Variants in SP8 observed in about 807,000 individuals in gnomAD.
SP8 encodes the protein transcription factor Sp8.
Under a neutral mutation model 15.3 loss-of-function variants are expected in SP8, and 7 were observed. The observed-to-expected ratio is 0.46, with a 90% CI of 0.26 to 0.86. The LOEUF is 0.86. Among genes scored for constraint, SP8 ranks in the 40% least tolerant of loss-of-function variants. SP8 has a pLI of 0.16. For missense variants in SP8, 731 were observed against 736.4 expected (o/e 0.99, Z 0.09); for synonymous variants, 415 against 356.3 (o/e 1.16, Z -1.86).
Position 20,786,692 on chromosome 7 carries a change from T to A in SP8, c.21+86A>T. Reference sequence around the variant, plus strand: ...TCTCAATAGAGAGACTGATAGCCCGTGGCCTGGCCGGGGCGACTTTAACCC... The same window carrying A: ...TCTCAATAGAGAGACTGATAGCCCGAGGCCTGGCCGGGGCGACTTTAACCC... On this transcript the variant is annotated intron_variant, in intron 1 of 1. Transcript: ENST00000418710. The surrounding 1 kb of genome is among the most constrained non-coding windows in gnomAD (Gnocchi z 4.4). 1 of 1,111,472 alleles carries A rather than the reference T, an allele frequency of 9.0e-7. No homozygotes were observed. 68.9% of individuals were successfully genotyped at this position (1,111,472 alleles called of 1,614,324 possible). A position where few individuals can be genotyped will look rare whatever the true frequency, so the allele number is the denominator to read the frequency against.
At position 20,784,995 on chromosome 7, in the gene SP8, C is replaced by CGAG. The variant is rs1783617371; in HGVS notation, c.819_821dup (p.Ser274dup). The CGAG allele has an allele frequency of 1.3e-6, 2 of 1,572,474 alleles. No homozygotes were observed. The highest frequency in any genetic ancestry group is 2.3e-5 in the South Asian group (2 of 87,516). ...TGCTGAAGGCCGAGTGACTCAGGCC[C>CGAG]GAGTAATCCGAGTTGTAGCCTCCGA... On this transcript the variant is annotated inframe_insertion, in exon 2 of 2. Coordinates refer to ENST00000418710, the MANE Select transcript of SP8 (RefSeq NM_182700.6).
At position 20,784,758 on chromosome 7, in the gene SP8, G is replaced by T; in HGVS notation, c.1059C>A (p.Pro353=). The change falls in exon 2 of 2, where the codon CCC becomes CCA. Residue 353 remains proline (P), a synonymous_variant. Coordinates refer to ENST00000418710, the MANE Select transcript of SP8 (RefSeq NM_182700.6). The part of the protein sequence containing the change: ...RYSGRATCDC[P]NCQEAERLGP... ...CCAGCCGCTCTGCCTCCTGGCAGTT[G>T]GGGCAGTCGCAGGTGGCGCGGCCGG... The T allele has an allele frequency of 6.3e-7, 1 of 1,575,922 alleles. No homozygotes were observed. Among genetic ancestry groups the T allele is most frequent in the African/African-American group, 1.4e-5 (1 of 72,978 alleles).
Position 20,785,884 on chromosome 7 carries a change from CG to C in SP8, c.22-90del. The C allele has an allele frequency of 6.7e-7, 1 of 1,484,884 alleles. No individual in the cohort carries two copies. Among genetic ancestry groups the C allele is most frequent in the Non-Finnish European group, 9.1e-7 (1 of 1,100,332 alleles). 92.0% of individuals were successfully genotyped at this position (1,484,884 alleles called of 1,614,324 possible). A position where few individuals can be genotyped will look rare whatever the true frequency, so the allele number is the denominator to read the frequency against. On this transcript the variant is annotated intron_variant, in intron 1 of 1. Coordinates refer to ENST00000418710, the MANE Select transcript of SP8 (RefSeq NM_182700.6). The surrounding 1 kb of genome is among the most constrained non-coding windows in gnomAD (Gnocchi z 7.2). ...AAGGAAGAAATGTGCATCAGTCCTT[CG>C]GTAGCCTCCAAAGCGCCCCACTGCA...
Position 20,783,023 on chromosome 7 carries a change from G to C in SP8, c.*1267C>G, listed in dbSNP as rs1399025055. The C allele has an allele frequency of 6.6e-6, 1 of 152,344 alleles. No homozygotes were observed. Among genetic ancestry groups the C allele is most frequent in the Admixed American group, 6.5e-5 (1 of 15,284 alleles). 9.4% of individuals were successfully genotyped at this position (152,344 alleles called of 1,614,324 possible). A position where few individuals can be genotyped will look rare whatever the true frequency, so the allele number is the denominator to read the frequency against. On this transcript the variant is annotated 3_prime_UTR_variant, in exon 2 of 2. Coordinates refer to ENST00000418710, the MANE Select transcript of SP8 (RefSeq NM_182700.6). ...ATTCTCCAGTTGTACAAACCATTAGGTTCAGATATATTTTACAAAGGTTCT... is the reference window on the plus strand; with the variant it reads ...ATTCTCCAGTTGTACAAACCATTAGCTTCAGATATATTTTACAAAGGTTCT...
chr7:20,785,891 C>T lies in SP8; in HGVS notation c.22-96G>A, dbSNP rs1230094102. The T allele has an allele frequency of 6.7e-7, 1 of 1,481,644 alleles. No homozygotes were observed. The highest frequency in any genetic ancestry group is 9.1e-7 in the Non-Finnish European group (1 of 1,101,406). 91.8% of individuals were successfully genotyped at this position (1,481,644 alleles called of 1,614,324 possible). A position where few individuals can be genotyped will look rare whatever the true frequency, so the allele number is the denominator to read the frequency against. On this transcript the variant is annotated intron_variant, in intron 1 of 1. Transcript: ENST00000418710. This position sits in a 1 kb window ranked among gnomAD's most constrained non-coding sequence, Gnocchi z 7.2. ...AAATGTGCATCAGTCCTTCGGTAGC[C>T]TCCAAAGCGCCCCACTGCACCCCAT...
chr7:20,784,964 C>T lies in SP8; in HGVS notation c.853G>A (p.Ala285Thr). ...GLSHSAFSSGASSHLLSPAGQ... is the reference protein window; with the variant it reads ...GLSHSAFSSGTSSHLLSPAGQ... Reference sequence around the variant, plus strand: ...GCGGGGCTGAGCAGGTGCGAGGAGGCGCCGCTGCTGAAGGCCGAGTGACTC... The same window carrying T: ...GCGGGGCTGAGCAGGTGCGAGGAGGTGCCGCTGCTGAAGGCCGAGTGACTC... Residue 285 changes from alanine to threonine, a missense_variant, in exon 2 of 2, where the codon GCC (alanine) becomes ACC (threonine). Physicochemically the swap from Ala to Thr is moderately conservative, Grantham distance 58. Transcript: ENST00000418710. 2 of 1,562,470 alleles carry T rather than the reference C, an allele frequency of 1.3e-6. No individual in the cohort carries two copies. The highest frequency in any genetic ancestry group is 1.7e-6 in the Non-Finnish European group (2 of 1,161,186).
At position 20,785,656 on chromosome 7, in the gene SP8, G is replaced by A. The variant is rs767861886; in HGVS notation, c.161C>T (p.Ser54Phe). 6.2e-7 allele frequency: 1 copy of A among 1,613,924 alleles called. No individual in the cohort carries two copies. The highest frequency in any genetic ancestry group is 1.1e-5 in the South Asian group (1 of 91,066). ...FGKGFHPWKR[S>F]SSSSSASCNV... is the part of the protein sequence containing the mutation. The stretch of plus-strand genomic sequence containing the variant: ...GCAGCTGGCGGAAGAAGAGGACGAG[G>A]AGCGTTTCCAGGGGTGGAAGCCTTT... The change falls in exon 2 of 2, where the codon TCC (serine) becomes TTC (phenylalanine). Residue 54 changes from serine to phenylalanine, a missense_variant. Ser to Phe is a radical substitution (Grantham distance 155, BLOSUM62 -2). Transcript: ENST00000418710. The surrounding 1 kb of genome is among the most constrained non-coding windows in gnomAD (Gnocchi z 7.2).
In SP8 at chr7:20,785,229, C is replaced by T; in HGVS notation, c.588G>A (p.Arg196=). The T allele has an allele frequency of 6.3e-7, 1 of 1,598,726 alleles. No homozygotes were observed. Among genetic ancestry groups the T allele is most frequent in the East Asian group, 2.3e-5 (1 of 43,508 alleles). Residue 196 remains arginine (R), a synonymous_variant, in exon 2 of 2, where the codon CGG becomes CGA. Transcript: ENST00000418710. The surrounding 1 kb of genome is among the most constrained non-coding windows in gnomAD (Gnocchi z 7.2). ...ACTCGTACGGGTGCGCCATGCCCACCCGCGGGTAGATGCCCTGCAGCCCGT... is the reference window on the plus strand; with the variant it reads ...ACTCGTACGGGTGCGCCATGCCCACTCGCGGGTAGATGCCCTGCAGCCCGT... ...SVDGLQGIYP[R]VGMAHPYESW...
chr7:20,784,362 C>T lies in SP8; in HGVS notation c.1455G>A (p.Ala485=), dbSNP rs1167666379. ...GSDTDSEHSA[A]GSPPCHSPEL... ...CTGGGGAGTGGCAGGGCGGGCTGCC[C>T]GCGGCGCTGTGCTCGCTGTCGGTGT... Residue 485 remains alanine, a synonymous_variant, in exon 2 of 2, where the codon GCG becomes GCA. Transcript: ENST00000418710. 1 of 1,522,464 alleles carries T rather than the reference C, an allele frequency of 6.6e-7. No individual in the cohort carries two copies. Among genetic ancestry groups the T allele is most frequent in the South Asian group, 1.2e-5 (1 of 82,654 alleles). The allele number at this position is 1,522,464 out of a possible 1,614,324, so 94.3% of individuals were successfully genotyped here.
rs776419601 is a variant in SP8, at chr7:20,784,494, C to G, written c.1323G>C (p.Lys441Asn). Residue 441 changes from lysine (K) to asparagine (N), a missense_variant, in exon 2 of 2, where the codon AAG becomes AAC. Physicochemically the swap from Lys to Asn is moderately conservative, Grantham distance 94. This residue lies in a region of SP8 where 114 missense variants were observed against 111.9 expected (regional missense o/e 1.02). Transcript: ENST00000418710. ...EKRFACPVCN[K>N]RFMRSDHLSK... ...TGAGGTGGTCGCTGCGCATGAAGCG[C>G]TTGTTGCAAACTGGACAGGCGAAGC... The G allele has an allele frequency of 6.4e-7, 1 of 1,557,854 alleles. No homozygotes were observed. The highest frequency in any genetic ancestry group is 8.7e-7 in the Non-Finnish European group (1 of 1,152,228).
chr7:20,786,437 A>G lies in SP8; in HGVS notation c.21+341T>C, dbSNP rs1247679680. Among the ~76,000 whole-genome samples, 1 of 152,088 alleles carries G rather than the reference A, an allele frequency of 6.6e-6. No individual in the cohort carries two copies. The highest frequency in any genetic ancestry group is 1.5e-5 in the Non-Finnish European group (1 of 67,994). On this transcript the variant is annotated intron_variant, in intron 1 of 1. Coordinates refer to ENST00000418710, the MANE Select transcript of SP8 (RefSeq NM_182700.6). The surrounding 1 kb of genome is among the most constrained non-coding windows in gnomAD (Gnocchi z 4.4). ...TTTTTTTTTAAGGGTTAGGGGAAGA[A>G]TCTGCACTTTGCCCAGAAGGAAAAA...
In SP8 at chr7:20,784,152, G is replaced by A; in HGVS notation, c.*138C>T. On this transcript the variant is annotated 3_prime_UTR_variant, in exon 2 of 2. Transcript: ENST00000418710. The stretch of plus-strand genomic sequence containing the variant: ...AAAGTTAAGTCACAGAAGGAAGAAG[G>A]AAGAGGGGCAGAAACAGAAAGAGAC... The A allele has an allele frequency of 1.3e-6, 1 of 761,468 alleles. No individual in the cohort carries two copies. Among genetic ancestry groups the A allele is most frequent in the Non-Finnish European group, 1.9e-6 (1 of 526,292 alleles). The allele number at this position is 761,468 out of a possible 1,614,324, so 47.2% of individuals were successfully genotyped here. A position where few individuals can be genotyped will look rare whatever the true frequency, so the allele number is the denominator to read the frequency against.
In SP8 at chr7:20,784,889, G is replaced by C. The variant is rs760107060; in HGVS notation, c.928C>G (p.Pro310Ala). 5 of 1,531,830 alleles carry C rather than the reference G, an allele frequency of 3.3e-6. No homozygotes were observed. Among genetic ancestry groups the C allele is most frequent in the Non-Finnish European group, 4.4e-6 (5 of 1,145,434 alleles). 94.9% of individuals were successfully genotyped at this position (1,531,830 alleles called of 1,614,324 possible). Residue 310 changes from proline (P) to alanine (A), a missense_variant, in exon 2 of 2, where the codon CCG becomes GCG. Pro to Ala is a conservative substitution (Grantham distance 27). This residue lies in a region of SP8 where 586 missense variants were observed against 524.9 expected (regional missense o/e 1.12). Transcript: ENST00000418710. ...GFKPVLPGSYPDSAPSPLAGA... is the reference protein window; with the variant it reads ...GFKPVLPGSYADSAPSPLAGA... Reference sequence around the variant, plus strand: ...GCCAGCGGCGACGGGGCCGAGTCCGGGTAGGAGCCGGGTAGCACTGGCTTG... The same window carrying C: ...GCCAGCGGCGACGGGGCCGAGTCCGCGTAGGAGCCGGGTAGCACTGGCTTG...
At position 20,786,657 on chromosome 7, in the gene SP8, A is replaced by T; in HGVS notation, c.21+121T>A. The T allele has an allele frequency of 1.2e-6, 1 of 822,714 alleles. No individual in the cohort carries two copies. Among genetic ancestry groups the T allele is most frequent in the South Asian group, 1.5e-5 (1 of 66,548 alleles). The allele number at this position is 822,714 out of a possible 1,614,324, so 51.0% of individuals were successfully genotyped here. ...AAACTCACTTGTATTTAAAGAAAAAAAAAAAAAGCTCTCAATAGAGAGACT... is the reference window on the plus strand; with the variant it reads ...AAACTCACTTGTATTTAAAGAAAAATAAAAAAAGCTCTCAATAGAGAGACT... On this transcript the variant is annotated intron_variant, in intron 1 of 1. Transcript: ENST00000418710. This position sits in a 1 kb window ranked among gnomAD's most constrained non-coding sequence, Gnocchi z 4.4.
In SP8 at chr7:20,782,971, T is replaced by C. The variant is rs1193767335; in HGVS notation, c.*1319A>G. On this transcript the variant is annotated 3_prime_UTR_variant, in exon 2 of 2. Coordinates refer to ENST00000418710, the MANE Select transcript of SP8 (RefSeq NM_182700.6). ...TCACACCCTTACACTGGCGGAGTTA[T>C]ATTTAATTGGTAACTAATCTAGAAC... 2.0e-5 allele frequency: 3 copies of C among 152,564 alleles called. No homozygotes were observed. Among genetic ancestry groups the C allele is most frequent in the African/African-American group, 4.8e-5 (2 of 41,464 alleles). The allele number at this position is 152,564 out of a possible 1,614,324, so 9.5% of individuals were successfully genotyped here.
chr7:20,784,075 C>G lies in SP8; in HGVS notation c.*215G>C. On this transcript the variant is annotated 3_prime_UTR_variant, in exon 2 of 2. Coordinates refer to ENST00000418710, the MANE Select transcript of SP8 (RefSeq NM_182700.6). ...CAGCGTTACCCGTGGAAAGGGAAAG[C>G]CAGGGCCCGGGACAGCGATGCGTGT... The G allele has an allele frequency of 2.1e-6, 1 of 483,288 alleles. No individual in the cohort carries two copies. Among genetic ancestry groups the G allele is most frequent in the East Asian group, 3.5e-5 (1 of 28,410 alleles). The allele number at this position is 483,288 out of a possible 1,614,324, so 29.9% of individuals were successfully genotyped here.
chr7:20,785,501 T>G lies in SP8; in HGVS notation c.316A>C (p.Ser106Arg), dbSNP rs1478142542. The G allele has an allele frequency of 6.9e-7, 1 of 1,441,740 alleles. No individual in the cohort carries two copies. The highest frequency in any genetic ancestry group is 9.0e-7 in the Non-Finnish European group (1 of 1,108,040). The allele number at this position is 1,441,740 out of a possible 1,614,324, so 89.3% of individuals were successfully genotyped here. ...CTGGAGCCAGGCGAGCCGCCGCAGC[T>G]GAACGAGTCGGACACCAGGGCCGCG... ...AAAALVSDSF[S>R]CGGSPGSSAF... is the part of the protein sequence containing the mutation. Residue 106 changes from serine (S) to arginine (R), a missense_variant, in exon 2 of 2, where the codon AGC becomes CGC. Ser to Arg is a moderately radical substitution (Grantham distance 110). This residue lies in a region of SP8 where 586 missense variants were observed against 524.9 expected (regional missense o/e 1.12). Transcript: ENST00000418710. This position sits in a 1 kb window ranked among gnomAD's most constrained non-coding sequence, Gnocchi z 7.2.
Position 20,785,844 on chromosome 7 carries a change from G to A in SP8, c.22-49C>T. 6.5e-7 allele frequency: 1 copy of A among 1,536,044 alleles called. No individual in the cohort carries two copies. Among genetic ancestry groups the A allele is most frequent in the Non-Finnish European group, 8.9e-7 (1 of 1,121,466 alleles). ...GTGGGGGAGGGGAGGTGGGCAAAGG[G>A]CCGGTGGGGGAGGAAAGGAAGAAAT... On this transcript the variant is annotated intron_variant, in intron 1 of 1. Coordinates refer to ENST00000418710, the MANE Select transcript of SP8 (RefSeq NM_182700.6). This position sits in a 1 kb window ranked among gnomAD's most constrained non-coding sequence, Gnocchi z 7.2.
rs371931411 is a variant in SP8, at chr7:20,784,420, G to A, written c.1397C>T (p.Ala466Val). 1.2e-5 allele frequency: 19 copies of A among 1,531,356 alleles called. No homozygotes were observed. Among genetic ancestry groups the A allele is most frequent in the Non-Finnish European group, 1.5e-5 (17 of 1,143,296 alleles). 94.9% of individuals were successfully genotyped at this position (1,531,356 alleles called of 1,614,324 possible). A position where few individuals can be genotyped will look rare whatever the true frequency, so the allele number is the denominator to read the frequency against. ...HSGGGGGGGS[A>V]GSGSGGKKGS... is the part of the protein sequence containing the mutation. ...CTTCTTGCCGCCGCTGCCCGAGCCC[G>A]CCGAGCCGCCGCCGCCGCCGCCGCC... The change falls in exon 2 of 2, where the codon GCG (alanine) becomes GTG (valine). Residue 466 changes from alanine (A) to valine (V), a missense_variant. By Grantham distance (64) the Ala-to-Val change is moderately conservative (BLOSUM62 0). Coordinates refer to ENST00000418710, the MANE Select transcript of SP8 (RefSeq NM_182700.6).
Sources: gnomAD v4.1 joint callset for allele counts (sites outside exome capture counted in the v4.1 genomes callset) on GRCh38, gnomAD v4.1.1 for gene constraint, gnomAD v4.1.1 regional missense constraint, Gnocchi (gnomAD v3.1) non-coding constraint, MANE v1.5 for transcripts, NCBI Gene and HGNC (gene_info 2026-07-23, HGNC 2026-07-21) for gene names.